COL23A1: variants seen among roughly 807,000 people sequenced by gnomAD.
COL23A1 encodes the protein collagen alpha-1(XXIII) chain.
A neutral mutation model predicts 99.3 loss-of-function variants in COL23A1; 97 were observed. That is an observed-to-expected ratio of 0.98 (90% CI 0.83 to 1.16). The LOEUF (loss-of-function observed/expected upper bound fraction) is 1.16, where lower values mean the gene tolerates loss of function less well. Among genes scored for constraint, COL23A1 ranks in the 50% most tolerant of loss-of-function variants. COL23A1 has a pLI of 0.00. For synonymous variants in COL23A1, 320 were observed against 308.2 expected (o/e 1.04, Z -0.40); for missense variants, 762 against 757.4 (o/e 1.01, Z -0.07).
chr5:178,358,767 G>C (rs987146561), intron 2 of COL23A1, among the ~76,000 whole-genome samples: 2 of 146,196 alleles, frequency 1.4e-5, no homozygotes, highest in Admixed American at 6.9e-5. Context: ...GTGTGTGTAT[G>C]TGTGTGTATG....
rs969124015 is a variant in COL23A1, at chr5:178,309,091, C to T, written c.362-2172G>A. Among the ~76,000 whole-genome samples, 5 of 152,282 alleles carry T rather than the reference C, an allele frequency of 3.3e-5. No individual in the cohort carries two copies. The highest frequency in any genetic ancestry group is 1.9e-4 in the East Asian group (1 of 5,188). On this transcript the variant is annotated intron_variant, in intron 2 of 28. Transcript: ENST00000390654. This position sits in a 1 kb window ranked among gnomAD's most constrained non-coding sequence, Gnocchi z 4.7. ...GGAAGTAGCCAGACTCTGCTAGATC[C>T]GAAGCAATGCAGCACTGTGCTTTCC...
At chr5:178,507,488 C>T (rs1159949697) in intron 2 of COL23A1, among the ~76,000 whole-genome samples, 1 of 152,200 alleles carries the variant, frequency 6.6e-6, no homozygotes, top group African/African-American at 2.4e-5. Flanking sequence ...CTGTAAGACG[C>T]TGATAATAAT....
rs73344838 is a variant in COL23A1 at position 178,309,177 on chromosome 5, A to G, written c.362-2258T>C. Among the ~76,000 whole-genome samples, 4,244 of 152,306 alleles carry G rather than the reference A, an allele frequency of 0.028. 195 individuals are homozygous for G. The highest frequency in any genetic ancestry group is 0.097 in the African/African-American group (4,021 of 41,568). ...CGTCTGGGTAACTGAAGCCAGATGAAGACATCTGCCTGTGTTGGGGCAGCT... is the reference window on the plus strand; with the variant it reads ...CGTCTGGGTAACTGAAGCCAGATGAGGACATCTGCCTGTGTTGGGGCAGCT... On this transcript the variant is annotated intron_variant, in intron 2 of 28. Coordinates refer to ENST00000390654, the MANE Select transcript of COL23A1 (RefSeq NM_173465.4). This position sits in a 1 kb window ranked among gnomAD's most constrained non-coding sequence, Gnocchi z 4.7.
intron 2 of COL23A1, among the ~76,000 whole-genome samples, chr5:178,335,778 A>T (rs1424796377): frequency 6.6e-6 from 1 of 152,224 alleles, no homozygotes; most frequent in Non-Finnish European, 1.5e-5. Context: ...GATCACTGGC[A>T]AAGTGATCAC....
chr5:178,443,956 CTT>C (rs1767023394), intron 2 of COL23A1, among the ~76,000 whole-genome samples: 1 of 152,052 alleles, frequency 6.6e-6, no homozygotes, highest in African/African-American at 2.4e-5. Context: ...AATCCTAACA[CTT>C]TGGGAGGCTG....
At chr5:178,400,410 T>C (rs984018742) in intron 2 of COL23A1, among the ~76,000 whole-genome samples, 2 of 148,462 alleles carry the variant, frequency 1.3e-5, no homozygotes, top group Non-Finnish European at 3.0e-5. Flanking sequence ...ATAAAATGCA[T>C]TCTTTTTGGT....
chr5:178,565,290 C>T (rs78636458), intron 1 of COL23A1, among the ~76,000 whole-genome samples: 2,549 of 152,252 alleles, frequency 0.017, 29 homozygotes, highest in Non-Finnish European at 0.027. Flanking sequence ...TGAAATCCCC[C>T]CGCTGAGGGC....
In COL23A1 at chr5:178,281,867, T is replaced by C. The variant is rs1427430220; in HGVS notation, c.441+6457A>G. Among the ~76,000 whole-genome samples, 2 of 151,716 alleles carry C rather than the reference T, an allele frequency of 1.3e-5. No homozygotes were observed. Among genetic ancestry groups the C allele is most frequent in the East Asian group, 1.9e-4 (1 of 5,166 alleles). On this transcript the variant is annotated intron_variant, in intron 5 of 28. Coordinates refer to ENST00000390654, the MANE Select transcript of COL23A1 (RefSeq NM_173465.4). This position sits in a 1 kb window ranked among gnomAD's most constrained non-coding sequence, Gnocchi z 4.0. ...GAGTTTGAGACCAGCCTGTGCAACA[T>C]GGCAAAACCCTGTGTCTATTAAAAA...
At chr5:178,242,962 C>T (rs1048694420) in intron 25 of COL23A1, among the ~76,000 whole-genome samples, 3 of 151,864 alleles carry the variant, frequency 2.0e-5, no homozygotes, top group Non-Finnish European at 2.9e-5. Flanking sequence ...TTTGGGAGGT[C>T]GAGGTGGGCA....
At chr5:178,560,548 GA>G (rs958995860) in intron 2 of COL23A1, 133 bp downstream of exon 2, 9 of 698,246 alleles carry the variant, frequency 1.3e-5, no homozygotes, top group Non-Finnish European at 2.1e-5. Flanking sequence ...ATGTGGGAAA[GA>G]AAGGCCCCAG....
intron 2 of COL23A1, among the ~76,000 whole-genome samples, chr5:178,538,070 T>C (rs560651642): frequency 6.6e-6 from 1 of 152,216 alleles, no homozygotes; most frequent in South Asian, 2.1e-4. Flanking sequence ...AATCGTATGC[T>C]ATTGTATGGA....
intron 7 of COL23A1, 144 bp from the exon 8 acceptor site, chr5:178,267,477 C>G: frequency 1.2e-6 from 1 of 804,950 alleles, no homozygotes; most frequent in Non-Finnish European, 2.0e-6. Flanking sequence ...TTTTTATTTC[C>G]ATTTCCAACG....
intron 1 of COL23A1, among the ~76,000 whole-genome samples, chr5:178,567,369 G>A (rs1457405336): frequency 1.3e-5 from 2 of 152,188 alleles, no homozygotes; most frequent in Admixed American, 6.5e-5. Flanking sequence ...AGATGAGCCT[G>A]GAGTCTTACA....
chr5:178,579,542 C>T (rs967274185), intron 1 of COL23A1, among the ~76,000 whole-genome samples: 2 of 152,140 alleles, frequency 1.3e-5, no homozygotes, highest in Non-Finnish European at 2.9e-5. Flanking sequence ...CAACCTCTGC[C>T]TCCCGGGTTC....
intron 2 of COL23A1, among the ~76,000 whole-genome samples, chr5:178,553,075 C>A (rs2113491044): frequency 6.6e-6 from 1 of 151,066 alleles, no homozygotes; most frequent in African/African-American, 2.4e-5. Context: ...CCGGCTGAGG[C>A]AGGAGGATCA....
chr5:178,587,520 T>C (rs1315211641), intron 1 of COL23A1, among the ~76,000 whole-genome samples: 2 of 152,220 alleles, frequency 1.3e-5, no homozygotes, highest in Admixed American at 1.3e-4. Context: ...AATGTGGACA[T>C]GGTTTCTGCC....
chr5:178,358,205 AC>A (rs1252391608), intron 2 of COL23A1, among the ~76,000 whole-genome samples: 1 of 128,380 alleles, frequency 7.8e-6, no homozygotes, highest in African/African-American at 3.1e-5. Flanking sequence ...GTGCATGTGT[AC>A]GTGTGTATGT....
chr5:178,404,829 C>G (rs1431709645), intron 2 of COL23A1, among the ~76,000 whole-genome samples: 2 of 152,214 alleles, frequency 1.3e-5, no homozygotes, highest in African/African-American at 4.8e-5. Context: ...AGCTGCAACT[C>G]TCCCTTTCCC....
chr5:178,341,988 C>T (rs1221145567), intron 2 of COL23A1, among the ~76,000 whole-genome samples: 1 of 152,190 alleles, frequency 6.6e-6, no homozygotes, highest in Non-Finnish European at 1.5e-5. Flanking sequence ...TCGTAACACA[C>T]CGACCTTCGG....
Sources: allele counts gnomAD v4.1 joint callset (sites outside exome capture counted in the v4.1 genomes callset), GRCh38; gene constraint gnomAD v4.1.1; non-coding constraint Gnocchi (gnomAD v3.1); transcripts MANE v1.5; gene names NCBI Gene and HGNC (gene_info 2026-07-23, HGNC 2026-07-21).